CERS6: variants seen among roughly 807,000 people sequenced by gnomAD.
The protein encoded by CERS6 is LAG1 homolog, ceramide synthase 6.
CERS6 carries 26 observed loss-of-function variants against 56.8 expected under a neutral mutation model. The observed-to-expected ratio is 0.46, with a 90% CI of 0.34 to 0.63. The LOEUF is 0.63. CERS6 is among the 30% of genes least tolerant of loss of function. The pLI, the probability that CERS6 is intolerant of heterozygous loss-of-function variation, is 0.01. For synonymous variants in CERS6, 164 were observed against 173.3 expected, an observed-to-expected ratio of 0.95 and a Z score of 0.42; for missense variants, 415 against 467.5, an observed-to-expected ratio of 0.89 and a Z score of 1.04.
chr2:168,569,528 T>TGC (rs1439579533), intron 3 of CERS6, among the ~76,000 whole-genome samples: 12 of 152,354 alleles, frequency 7.9e-5, no homozygotes, highest in South Asian at 6.2e-4. Flanking sequence ...AATGTGTGTG[T>TGC]GCGCGTGCAC....
At chr2:168,647,478 C>T (rs1685233651) in intron 4 of CERS6, among the ~76,000 whole-genome samples, 1 of 152,144 alleles carries the variant, frequency 6.6e-6, no homozygotes, top group South Asian at 2.1e-4. Context: ...ACTTTGATGT[C>T]CTCTTTTCCT....
intron 1 of CERS6, among the ~76,000 whole-genome samples, chr2:168,516,375 AAT>A (rs1694884408): frequency 6.6e-6 from 1 of 152,178 alleles, no homozygotes; most frequent in South Asian, 2.1e-4. Context: ...AATAAATAAT[AAT>A]ATTGTTATTT....
At chr2:168,697,553 C>CT (rs113250500) in intron 6 of CERS6, among the ~76,000 whole-genome samples, 7,067 of 141,182 alleles carry the variant, frequency 0.05, 343 homozygotes, top group East Asian at 0.18. Context: ...AACATTCTTC[C>CT]TTTTTTTTTT....
At chr2:168,709,316 G>A (rs772185288) in intron 6 of CERS6, among the ~76,000 whole-genome samples, 2 of 152,036 alleles carry the variant, frequency 1.3e-5, no homozygotes, top group Non-Finnish European at 2.9e-5. Context: ...AAAAAACAGC[G>A]TTAACTTACC....
At chr2:168,598,471 T>TA (rs202243495) in intron 3 of CERS6, among the ~76,000 whole-genome samples, 41 of 151,082 alleles carry the variant, frequency 2.7e-4, no homozygotes, top group Admixed American at 8.6e-4. Context: ...TTTTTGATGG[T>TA]AAAAAAAAAT....
intron 1 of CERS6, among the ~76,000 whole-genome samples, chr2:168,512,375 T>C (rs78821238): frequency 0.073 from 11,132 of 152,162 alleles, 765 homozygotes; most frequent in East Asian, 0.18. Flanking sequence ...AAAAAAAAGA[T>C]ATAGGACAGT....
At chr2:168,481,406 T>A (rs1319378743) in intron 1 of CERS6, among the ~76,000 whole-genome samples, 2 of 151,766 alleles carry the variant, frequency 1.3e-5, no homozygotes, top group Non-Finnish European at 2.9e-5. Flanking sequence ...AGAGGGAGAC[T>A]CCGTCTCAAA....
At chr2:168,531,704 C>T (rs1304307758) in intron 1 of CERS6, among the ~76,000 whole-genome samples, 4 of 151,880 alleles carry the variant, frequency 2.6e-5, no homozygotes, top group Admixed American at 1.3e-4. Flanking sequence ...GCCTATACTT[C>T]CAGTTACTCG....
At chr2:168,653,443 G>T (rs1685394165) in intron 4 of CERS6, among the ~76,000 whole-genome samples, 1 of 152,066 alleles carries the variant, frequency 6.6e-6, no homozygotes, top group East Asian at 1.9e-4. Flanking sequence ...TTTTTTTCCT[G>T]TAACACAATG....
At chr2:168,683,731 G>T (rs1000141445) in intron 4 of CERS6, among the ~76,000 whole-genome samples, 1 of 152,080 alleles carries the variant, frequency 6.6e-6, no homozygotes, top group Non-Finnish European at 1.5e-5. Flanking sequence ...TTACTTTGCA[G>T]TGATTCTTGC....
intron 6 of CERS6, among the ~76,000 whole-genome samples, chr2:168,704,982 TTC>T (rs1447784914): frequency 6.6e-6 from 1 of 152,186 alleles, no homozygotes; most frequent in Non-Finnish European, 1.5e-5. Context: ...TATATGTGTT[TTC>T]CAAAGTGTCT....
intron 1 of CERS6, among the ~76,000 whole-genome samples, chr2:168,489,170 A>G (rs961975299): frequency 2.6e-5 from 4 of 152,126 alleles, no homozygotes; most frequent in Admixed American, 2.0e-4. Context: ...ATTGATGGAT[A>G]TGGAATTTTA....
chr2:168,565,369 G>GA (rs1371291348), intron 3 of CERS6, among the ~76,000 whole-genome samples: 2 of 152,022 alleles, frequency 1.3e-5, no homozygotes, highest in Non-Finnish European at 2.9e-5. Flanking sequence ...GTATATCATG[G>GA]AAAAAAATGC....
At chr2:168,638,936 T>G (rs1294416861) in intron 4 of CERS6, among the ~76,000 whole-genome samples, 5 of 152,230 alleles carry the variant, frequency 3.3e-5, no homozygotes, top group Non-Finnish European at 5.9e-5. Flanking sequence ...GTTCTTGCTC[T>G]TTTGTAATTA....
chr2:168,713,144 C>T (rs559371166), intron 6 of CERS6, among the ~76,000 whole-genome samples: 1 of 152,058 alleles, frequency 6.6e-6, no homozygotes, highest in African/African-American at 2.4e-5. Flanking sequence ...ATAGTAAATG[C>T]TCAATCACTA....
At chr2:168,685,495 GGTAAA>G (rs955273584) in intron 4 of CERS6, among the ~76,000 whole-genome samples, 1 of 151,946 alleles carries the variant, frequency 6.6e-6, no homozygotes, top group East Asian at 1.9e-4. Context: ...AATTGCAGAT[GGTAAA>G]GTAAAGTATC....
intron 2 of CERS6, among the ~76,000 whole-genome samples, chr2:168,557,959 A>G (rs1288769783): frequency 6.6e-6 from 1 of 152,204 alleles, no homozygotes; most frequent in Non-Finnish European, 1.5e-5. Flanking sequence ...CCAAGGAATC[A>G]TGAAAAAATA....
intron 1 of CERS6, among the ~76,000 whole-genome samples, chr2:168,512,409 C>A (rs1694804512): frequency 6.6e-6 from 1 of 151,956 alleles, no homozygotes; most frequent in African/African-American, 2.4e-5. Flanking sequence ...TCCCTAAATT[C>A]TTTTTCTTTC....
At chr2:168,645,116 AATATAT>A (rs1553503151) in intron 4 of CERS6, among the ~76,000 whole-genome samples, 1 of 19,016 alleles carries the variant, frequency 5.3e-5, no homozygotes, top group Non-Finnish European at 1.0e-4. Flanking sequence ...AAAAAAAAAA[AATATAT>A]ATATATATAT....
Sources: allele counts gnomAD v4.1 joint callset (sites outside exome capture counted in the v4.1 genomes callset), GRCh38; gene constraint gnomAD v4.1.1; transcripts MANE v1.5; gene names NCBI Gene and HGNC (gene_info 2026-07-23, HGNC 2026-07-21).